Variants in FAM53A observed in about 807,000 individuals in gnomAD.
The protein encoded by FAM53A is protein FAM53A.
A neutral mutation model predicts 26.6 loss-of-function variants in FAM53A; 28 were observed. That is an observed-to-expected ratio of 1.05 (90% CI 0.78 to 1.45). The LOEUF is 1.45. FAM53A is among the 40% of genes most tolerant of loss of function. FAM53A has a pLI of 0.00. For missense variants in FAM53A, 650 were observed against 575.8 expected (o/e 1.13, Z -1.32); for synonymous variants, 290 against 253.1 (o/e 1.15, Z -1.38).
At chr4:1,610,430 G>A in the FAM53A span, among the ~76,000 whole-genome samples, 9 of 152,208 alleles carry the variant, frequency 5.9e-5, no homozygotes, top group African/African-American at 1.7e-4. Flanking sequence ...ATGCCCAGGC[G>A]TGGTGCAGGG....
At chr4:1,588,088 T>C in the FAM53A span, among the ~76,000 whole-genome samples, 2 of 152,256 alleles carry the variant, frequency 1.3e-5, no homozygotes, top group African/African-American at 2.4e-5. Context: ...TAATGCTAAG[T>C]CAGCCATCGG....
At chr4:1,620,076 C>T (rs998269231) in intron 1 of FAM53A, among the ~76,000 whole-genome samples, 2 of 151,964 alleles carry the variant, frequency 1.3e-5, no homozygotes, top group Non-Finnish European at 2.9e-5. Flanking sequence ...GGCGTGGTGG[C>T]GGGCAGCTGT....
At chr4:1,649,967 T>A (rs1712613988) in intron 4 of FAM53A, among the ~76,000 whole-genome samples, 1 of 89,016 alleles carries the variant, frequency 1.1e-5, no homozygotes, top group African/African-American at 4.5e-5. Context: ...GGCGTTTGAC[T>A]GTGAGGTGGC....
At chr4:1,607,000 G>A in the FAM53A span, among the ~76,000 whole-genome samples, 129,941 of 152,276 alleles carry the variant, frequency 0.85, 55,655 homozygotes, top group African/African-American at 0.92. Flanking sequence ...CTTCCACAAC[G>A]CTTGCCACTT....
At chr4:1,633,001 C>T (rs1274569856) in intron 1 of FAM53A, among the ~76,000 whole-genome samples, 1 of 149,828 alleles carries the variant, frequency 6.7e-6, no homozygotes, top group Non-Finnish European at 1.5e-5. Flanking sequence ...GGTACACACT[C>T]GTGCTCACAC....
chr4:1,622,287 T>TG (rs1416508836), intron 1 of FAM53A, among the ~76,000 whole-genome samples: 1 of 152,130 alleles, frequency 6.6e-6, no homozygotes, highest in Non-Finnish European at 1.5e-5. Flanking sequence ...GCCCCCAGTG[T>TG]GGGGGTGACG....
chr4:1,677,402 C>T (rs534542230), intron 1 of FAM53A, among the ~76,000 whole-genome samples: 1 of 152,214 alleles, frequency 6.6e-6, no homozygotes, highest in African/African-American at 2.4e-5. Flanking sequence ...TCCTCCAACC[C>T]TTCCAATGAC....
At chr4:1,668,960 GAT>G (rs1714441673) in intron 1 of FAM53A, 55 bp from the exon 2 acceptor site, 2 of 517,058 alleles carry the variant, frequency 3.9e-6, no homozygotes, top group East Asian at 6.4e-5. Context: ...CCATTTTGTT[GAT>G]GTTTCTGCTA....
At chr4:1,587,319 C>A in the FAM53A span, among the ~76,000 whole-genome samples, 1 of 152,246 alleles carries the variant, frequency 6.6e-6, no homozygotes, top group African/African-American at 2.4e-5. Context: ...TTACCCAGAC[C>A]AATGTCATGA....
chr4:1,631,147 G>C (rs1715594085), intron 1 of FAM53A, among the ~76,000 whole-genome samples: 1 of 152,238 alleles, frequency 6.6e-6, no homozygotes, highest in South Asian at 2.1e-4. Flanking sequence ...CTGGAGTCAG[G>C]ATGGCTCTGA....
At chr4:1,641,645 C>T (rs1286913192) in intron 4 of FAM53A, 38 bp from the exon 5 acceptor site, 1 of 1,605,346 alleles carries the variant, frequency 6.2e-7, no homozygotes, top group Admixed American at 1.7e-5. Flanking sequence ...GCATTTCTAG[C>T]AGATCACACA....
chr4:1,597,225 GCTCT>G, the FAM53A span, among the ~76,000 whole-genome samples: 83,703 of 151,428 alleles, frequency 0.55, 23,451 homozygotes, highest in Admixed American at 0.61. Context: ...CAGCCGCCTG[GCTCT>G]CTATCAGGGG....
downstream of FAM53A, among the ~76,000 whole-genome samples, chr4:1,638,932 C>G (rs1033069685): frequency 1.3e-5 from 2 of 152,202 alleles, no homozygotes; most frequent in East Asian, 1.9e-4. Flanking sequence ...GAGGGGACGC[C>G]GGGTGGACTC....
the FAM53A span, among the ~76,000 whole-genome samples, chr4:1,604,955 C>A: frequency 2.0e-5 from 3 of 152,086 alleles, no homozygotes; most frequent in Non-Finnish European, 4.4e-5. Context: ...TCTCAACACG[C>A]ACGTGGGGCC....
At chr4:1,652,052 CCACA>C (rs896155775) in intron 4 of FAM53A, among the ~76,000 whole-genome samples, 8 of 134,442 alleles carry the variant, frequency 6.0e-5, no homozygotes, top group Admixed American at 5.2e-4. Context: ...ACCACACACG[CCACA>C]CACACACCAC....
chr4:1,683,600 T>A (rs1252990674), intron 1 of FAM53A: 1 of 152,076 alleles, frequency 6.6e-6, no homozygotes, highest in Non-Finnish European at 1.5e-5. Context: ...ACATCAAGTG[T>A]GAGTCTGGTT....
chr4:1,611,169 G>A, the FAM53A span, among the ~76,000 whole-genome samples: 2 of 152,242 alleles, frequency 1.3e-5, no homozygotes, highest in Non-Finnish European at 2.9e-5. Context: ...CAGGGGCGCA[G>A]TGGGCGGTGT....
At chr4:1,623,615 T>C (rs1715150650) in intron 1 of FAM53A, among the ~76,000 whole-genome samples, 1 of 152,154 alleles carries the variant, frequency 6.6e-6, no homozygotes, top group South Asian at 2.1e-4. Context: ...CCAAGTGCCA[T>C]CCGTCAGCAG....
chr4:1,592,854 T>C, the FAM53A span, among the ~76,000 whole-genome samples: 6 of 151,988 alleles, frequency 3.9e-5, no homozygotes, highest in Non-Finnish European at 7.4e-5. Context: ...CGCACACGCC[T>C]GGAGCCCCCC....
Sources: gnomAD v4.1 joint callset for allele counts (sites outside exome capture counted in the v4.1 genomes callset) on GRCh38, gnomAD v4.1.1 for gene constraint, MANE v1.5 for transcripts, NCBI Gene and HGNC (gene_info 2026-07-23, HGNC 2026-07-21) for gene names.